Variants in SNX9 observed in about 807,000 individuals in gnomAD.
SNX9 encodes the protein sorting nexin 9, also known as sorting nexin-9.
A neutral mutation model predicts 89.4 loss-of-function variants in SNX9; 44 were observed. That is an observed-to-expected ratio of 0.49 (90% CI 0.39 to 0.63). The LOEUF (loss-of-function observed/expected upper bound fraction) is 0.63, where lower values mean the gene tolerates loss of function less well. Among genes scored for constraint, SNX9 ranks in the 30% least tolerant of loss-of-function variants. SNX9 has a pLI of 0.00. For synonymous variants in SNX9, 236 were observed against 247.8 expected, an observed-to-expected ratio of 0.95 and a Z score of 0.45; for missense variants, 578 against 736.1, an observed-to-expected ratio of 0.79 and a Z score of 2.49.
At chr6:157,851,833 C>G (rs1781919872) in intron 1 of SNX9, among the ~76,000 whole-genome samples, 1 of 152,194 alleles carries the variant, frequency 6.6e-6, no homozygotes, top group Non-Finnish European at 1.5e-5. Context: ...AAGTGAGTGA[C>G]CTGCCTCTGC....
chr6:157,867,337 C>T (rs573752673), intron 1 of SNX9, among the ~76,000 whole-genome samples: 1 of 152,278 alleles, frequency 6.6e-6, no homozygotes, highest in East Asian at 1.9e-4. Flanking sequence ...TCCCTGCCTC[C>T]GGAACAGAAC....
At chr6:157,825,339 C>G (rs1311001235) in intron 1 of SNX9, among the ~76,000 whole-genome samples, 1 of 152,148 alleles carries the variant, frequency 6.6e-6, no homozygotes, top group Non-Finnish European at 1.5e-5. Context: ...TTTTTACACT[C>G]TGGTCTACTG....
intron 1 of SNX9, among the ~76,000 whole-genome samples, chr6:157,857,046 T>G (rs995237617): frequency 2.6e-5 from 4 of 152,234 alleles, no homozygotes; most frequent in African/African-American, 9.6e-5. Flanking sequence ...AATGGTTGAT[T>G]TTTTTGCCTT....
At chr6:157,925,030 AG>A (rs1783661528) in intron 10 of SNX9, among the ~76,000 whole-genome samples, 1 of 152,226 alleles carries the variant, frequency 6.6e-6, no homozygotes, top group African/African-American at 2.4e-5. Context: ...AAGACTATGC[AG>A]GAAGATGTGG....
chr6:157,921,609 T>C lies in SNX9; in HGVS notation c.1028T>C (p.Val343Ala), dbSNP rs771661954. ...ATGACCAGGATGTGTCGCCATCCAGTAATCTCAGAAAGTGAAGTTTTCCAG... is the reference window on the plus strand; with the variant it reads ...ATGACCAGGATGTGTCGCCATCCAGCAATCTCAGAAAGTGAAGTTTTCCAG... ...AWMTRMCRHPVISESEVFQQF... is the reference protein window; with the variant it reads ...AWMTRMCRHPAISESEVFQQF... The change falls in exon 10 of 18, where the codon GTA (valine) becomes GCA (alanine). Residue 343 changes from valine (V) to alanine (A), a missense_variant. Transcript: ENST00000392185. 5.6e-6 allele frequency: 9 copies of C among 1,614,064 alleles called. No homozygotes were observed. Among genetic ancestry groups the C allele is most frequent in the South Asian group, 1.1e-5 (1 of 91,086 alleles).
intron 16 of SNX9, 80 bp downstream of exon 16, chr6:157,938,827 C>T: frequency 1.0e-6 from 1 of 986,228 alleles, no homozygotes. Flanking sequence ...GAGAGAAATC[C>T]AGATGTGAGC....
intron 4 of SNX9, among the ~76,000 whole-genome samples, chr6:157,880,818 C>G (rs1302219457): frequency 6.6e-6 from 1 of 152,154 alleles, no homozygotes; most frequent in Non-Finnish European, 1.5e-5. Context: ...GGTTTTAATC[C>G]CAGATCTCAC....
intron 12 of SNX9, among the ~76,000 whole-genome samples, chr6:157,929,298 T>A (rs1400296230): frequency 1.3e-5 from 2 of 152,220 alleles, no homozygotes; most frequent in African/African-American, 4.8e-5. Flanking sequence ...TCACCACACA[T>A]GTGGCCCAGG....
rs56303673 is a variant in SNX9, at chr6:157,889,430, C to CAAA, written c.301-7378_301-7376dup. 3.0e-3 allele frequency among the ~76,000 whole-genome samples: 174 copies of CAAA among 58,392 alleles called. No individual in the cohort carries two copies. The East Asian group carries it at 0.048, about 16-fold the overall frequency. The allele number at this position is 58,392 out of a possible 152,430, so 38.3% of individuals were successfully genotyped here. Reference sequence around the variant, plus strand: ...TGGGTGACAGAGCAAGACCCTGTCTCAAAAAAAAAAAAAAAAAAAAAGACA... The same window carrying CAAA: ...TGGGTGACAGAGCAAGACCCTGTCTCAAAAAAAAAAAAAAAAAAAAAAAAGACA... On this transcript the variant is annotated intron_variant, in intron 4 of 17. Transcript: ENST00000392185.
intron 4 of SNX9, among the ~76,000 whole-genome samples, chr6:157,878,394 G>A (rs1782558116): frequency 6.6e-6 from 1 of 151,674 alleles, no homozygotes; most frequent in Non-Finnish European, 1.5e-5. Context: ...ATAATAGACA[G>A]CATTTTTTTT....
intron 1 of SNX9, among the ~76,000 whole-genome samples, chr6:157,836,730 A>G: frequency 6.6e-6 from 1 of 152,028 alleles, no homozygotes; most frequent in Non-Finnish European, 1.5e-5. Context: ...AGCTGGGACT[A>G]CAGGCACCCA....
chr6:157,942,787 T>A lies in SNX9; in HGVS notation c.1741-4T>A. Reference sequence around the variant, plus strand: ...AACGTTGTTTTGTTTTGCTTTCTTGTCAGATTGCAGAAAAGCTGAGGCAGG... The same window carrying A: ...AACGTTGTTTTGTTTTGCTTTCTTGACAGATTGCAGAAAAGCTGAGGCAGG... On this transcript the variant is annotated splice_region_variant and splice_polypyrimidine_tract_variant and intron_variant, in intron 17 of 17. Coordinates refer to ENST00000392185, the MANE Select transcript of SNX9 (RefSeq NM_016224.5). 1 of 1,614,020 alleles carries A rather than the reference T, an allele frequency of 6.2e-7. No homozygotes were observed. The highest frequency in any genetic ancestry group is 8.5e-7 in the Non-Finnish European group (1 of 1,179,954).
intron 1 of SNX9, among the ~76,000 whole-genome samples, chr6:157,839,880 T>C (rs2115112247): frequency 6.6e-6 from 1 of 152,334 alleles, no homozygotes; most frequent in African/African-American, 2.4e-5. Flanking sequence ...TGCGCAGTAT[T>C]GGGGCGTGAA....
rs569318229 is a variant in SNX9 at position 157,923,899 on chromosome 6, A to G, written c.1080+2238A>G. ...GAAATGTGCTCGCTACCTCACTACA[A>G]TCTGCAGTTGATTTTATTAAGGTTG... On this transcript the variant is annotated intron_variant, in intron 10 of 17. Coordinates refer to ENST00000392185, the MANE Select transcript of SNX9 (RefSeq NM_016224.5). 5.3e-5 allele frequency among the ~76,000 whole-genome samples: 8 copies of G among 152,308 alleles called. No individual in the cohort carries two copies. In the South Asian group the frequency reaches 1.2e-3, roughly 24 times the overall value.
At chr6:157,900,326 A>G (rs1349443447) in intron 5 of SNX9, among the ~76,000 whole-genome samples, 1 of 151,960 alleles carries the variant, frequency 6.6e-6, no homozygotes, top group Admixed American at 6.6e-5. Context: ...TTTATTTGCT[A>G]TTGAATTGTG....
intron 9 of SNX9, among the ~76,000 whole-genome samples, chr6:157,914,480 T>TTTTTTTTC (rs1230479661): frequency 0.018 from 2,395 of 133,204 alleles, 65 homozygotes; most frequent in African/African-American, 0.05. Context: ...TTTTTTTTTT[T>TTTTTTTTC]TTTTTTTTTT....
chr6:157,888,726 T>C (rs1385394776), intron 4 of SNX9, among the ~76,000 whole-genome samples: 2 of 152,324 alleles, frequency 1.3e-5, no homozygotes, highest in South Asian at 2.1e-4. Flanking sequence ...CATCTTTTTT[T>C]CCCAAGTGAA....
intron 1 of SNX9, among the ~76,000 whole-genome samples, chr6:157,846,242 A>G (rs1781805367): frequency 6.6e-6 from 1 of 152,108 alleles, no homozygotes; most frequent in African/African-American, 2.4e-5. Flanking sequence ...AGCTCTTCAA[A>G]TTTTATTTTA....
At chr6:157,939,939 G>A (rs1239515954) in intron 16 of SNX9, among the ~76,000 whole-genome samples, 1 of 151,604 alleles carries the variant, frequency 6.6e-6, no homozygotes, top group African/African-American at 2.4e-5. Context: ...CTCTGATGAC[G>A]AAGACTCCTC....
Sources: allele counts gnomAD v4.1 joint callset (sites outside exome capture counted in the v4.1 genomes callset), GRCh38; gene constraint gnomAD v4.1.1; transcripts MANE v1.5; gene names NCBI Gene and HGNC (gene_info 2026-07-23, HGNC 2026-07-21).